The following CREBBP variants were observed in gnomAD, a reference collection of about 807,000 sequenced individuals.
CREBBP encodes CREB-binding protein.
In CREBBP, 19 loss-of-function variants were observed where a neutral mutation model predicts 265.0. The observed-to-expected ratio is 0.07, with a 90% confidence interval of 0.05 to 0.11. CREBBP has a LOEUF of 0.11. CREBBP is among the 10% of genes least tolerant of loss of function. CREBBP has a pLI of 1.00. For missense variants in CREBBP, 2,525 were observed against 3,219.0 expected (o/e 0.78, Z 5.22); for synonymous variants, 1,457 against 1,223.7 (o/e 1.19, Z -3.98).
chr16:3,873,362 G>A (rs546827512), intron 1 of CREBBP, among the ~76,000 whole-genome samples: 1 of 152,296 alleles, frequency 6.6e-6, no homozygotes, highest in East Asian at 1.9e-4. Flanking sequence ...ATAAAAAATG[G>A]AGACAGAGTC....
intron 3 of CREBBP, 32 bp downstream of exon 3, chr16:3,810,571 A>G: frequency 1.2e-6 from 2 of 1,611,194 alleles, no homozygotes; most frequent in Non-Finnish European, 1.7e-6. Flanking sequence ...CCCACCGGAG[A>G]GCCATAACAC....
chr16:3,793,519 C>G lies in CREBBP; in HGVS notation c.1083G>C (p.Leu361=). 1 of 1,614,176 alleles carries G rather than the reference C, an allele frequency of 6.2e-7. No homozygotes were observed. Among genetic ancestry groups the G allele is most frequent in the Non-Finnish European group, 8.5e-7 (1 of 1,180,034 alleles). ...RKLIQQQLVL[L]LHAHKCQRRE... is the part of the protein sequence containing the mutation. ...GTCTCTGACACTTATGAGCATGAAG[C>G]AGTAGAACCAGCTGCTGCTGTATCA... is the stretch of plus-strand genomic sequence containing the variant. The change falls in exon 4 of 31, where the codon CTG becomes CTC. Residue 361 remains leucine, a synonymous_variant. Coordinates refer to ENST00000262367, the MANE Select transcript of CREBBP (RefSeq NM_004380.3).
intron 18 of CREBBP, 63 bp from the exon 19 acceptor site, chr16:3,757,439 T>TTCTA: frequency 7.5e-7 from 1 of 1,327,186 alleles, no homozygotes; most frequent in Non-Finnish European, 1.1e-6. Flanking sequence ...TCTTATAATG[T>TTCTA]TCTAGTCTAC....
intron 21 of CREBBP, among the ~76,000 whole-genome samples, chr16:3,747,932 AC>A (rs1288499494): frequency 6.6e-6 from 1 of 152,178 alleles, no homozygotes; most frequent in South Asian, 2.1e-4. Context: ...TACTAAAAAT[AC>A]AAAAAAATTA....
intron 4 of CREBBP, 41 bp downstream of exon 4, chr16:3,793,345 T>C: frequency 6.2e-7 from 1 of 1,613,094 alleles, no homozygotes; most frequent in South Asian, 1.1e-5. Context: ...GGCAAATTCT[T>C]CCTGACCTCT....
chr16:3,733,731 T>TCCCGGGTTCAA (rs2051978547), intron 28 of CREBBP, among the ~76,000 whole-genome samples: 1 of 152,158 alleles, frequency 6.6e-6, no homozygotes, highest in African/African-American at 2.4e-5. Context: ...AATCTGTGCC[T>TCCCGGGTTCAA]CCCGGGTTCA....
At chr16:3,810,475 T>C (rs1596984325) in intron 3 of CREBBP, 128 bp downstream of exon 3, 1 of 1,075,390 alleles carries the variant, frequency 9.3e-7, no homozygotes. Flanking sequence ...TCATGAGAAA[T>C]CTGGGTTCTC....
rs566080309 is a variant in CREBBP, at chr16:3,866,106, A to G, written c.85+13726T>C. 3.9e-5 allele frequency among the ~76,000 whole-genome samples: 6 copies of G among 152,368 alleles called. No individual in the cohort carries two copies. In the South Asian group the frequency reaches 1.2e-3, roughly 32 times the overall value. ...AATGGGTTCACTATTAGTTCAAAAT[A>G]TATTTAGTGTACAAATAAGCTTAAA... On this transcript the variant is annotated intron_variant, in intron 1 of 30. Transcript: ENST00000262367.
chr16:3,754,628 A>G (rs1303604563), intron 19 of CREBBP, among the ~76,000 whole-genome samples: 2 of 152,234 alleles, frequency 1.3e-5, no homozygotes, highest in East Asian at 1.9e-4. Flanking sequence ...GTACCATATC[A>G]GTACATATCA....
intron 11 of CREBBP, among the ~76,000 whole-genome samples, chr16:3,777,060 A>G (rs1407017192): frequency 7.3e-6 from 1 of 136,140 alleles, no homozygotes; most frequent in East Asian, 2.3e-4. Flanking sequence ...TAAAAAGCTA[A>G]GGCCGGGTGC....
intron 1 of CREBBP, among the ~76,000 whole-genome samples, chr16:3,871,683 T>C (rs1344963816): frequency 1.3e-5 from 2 of 152,198 alleles, no homozygotes; most frequent in African/African-American, 2.4e-5. Context: ...CATGTTTAGG[T>C]GGTGCAGTTT....
At chr16:3,780,411 C>T (rs1392651212) in intron 8 of CREBBP, among the ~76,000 whole-genome samples, 4 of 152,170 alleles carry the variant, frequency 2.6e-5, no homozygotes, top group African/African-American at 9.7e-5. Flanking sequence ...TAACCCCAGC[C>T]CCCTCACGCA....
chr16:3,838,957 C>T (rs771632912), intron 2 of CREBBP, among the ~76,000 whole-genome samples: 2 of 152,180 alleles, frequency 1.3e-5, no homozygotes, highest in African/African-American at 2.4e-5. Context: ...CACAGCACCT[C>T]GCTAGTTCAC....
chr16:3,771,802 C>G (rs2053015593), intron 13 of CREBBP, among the ~76,000 whole-genome samples: 1 of 131,936 alleles, frequency 7.6e-6, no homozygotes, highest in Non-Finnish European at 1.6e-5. Context: ...CAATTTAAAA[C>G]TTTTTTTTTT....
rs1378683142 is a variant in CREBBP, at chr16:3,810,451, A to G, written c.975+152T>C. ...GCTCATCACAGAAAATGTTAAACTC[A>G]TTTAGAGAGCTACTCATGAGAAATC... On this transcript the variant is annotated intron_variant, in intron 3 of 30. Coordinates refer to ENST00000262367, the MANE Select transcript of CREBBP (RefSeq NM_004380.3). 23 of 869,128 alleles carry G rather than the reference A, an allele frequency of 2.6e-5. No individual in the cohort carries two copies. The South Asian group carries it at 2.8e-4, about 11-fold the overall frequency. The allele number at this position is 869,128 out of a possible 1,614,324, so 53.8% of individuals were successfully genotyped here. A position where few individuals can be genotyped will look rare whatever the true frequency, so the allele number is the denominator to read the frequency against.
intron 1 of CREBBP, among the ~76,000 whole-genome samples, chr16:3,862,360 G>A (rs2055094295): frequency 6.6e-6 from 1 of 152,060 alleles, no homozygotes. Context: ...GAGCCCCAGG[G>A]TAGGTACAAG....
At chr16:3,771,456 A>G (rs898807344) in intron 13 of CREBBP, among the ~76,000 whole-genome samples, 12 of 152,184 alleles carry the variant, frequency 7.9e-5, no homozygotes, top group African/African-American at 2.9e-4. Context: ...GGCACTCCTC[A>G]ATAACGGTAA....
chr16:3,760,217 G>A (rs1221649234), intron 16 of CREBBP, among the ~76,000 whole-genome samples: 2 of 151,618 alleles, frequency 1.3e-5, no homozygotes, highest in East Asian at 3.9e-4. Flanking sequence ...TCAGCCTCAG[G>A]AGTAACTGGG....
In CREBBP at chr16:3,879,523, A is replaced by G. The variant is rs186271735; in HGVS notation, c.85+309T>C. Among the ~76,000 whole-genome samples the G allele has an allele frequency of 6.0e-4, 91 of 152,270 alleles. 2 individuals carry two copies. The highest frequency in any genetic ancestry group is 1.9e-3 in the African/African-American group (78 of 41,564). Reference sequence around the variant, plus strand: ...ACACGGCCGCGGATGGATGCGTAGGACATTACCAAACAAACCCACACGCTG... The same window carrying G: ...ACACGGCCGCGGATGGATGCGTAGGGCATTACCAAACAAACCCACACGCTG... On this transcript the variant is annotated intron_variant, in intron 1 of 30. Coordinates refer to ENST00000262367, the MANE Select transcript of CREBBP (RefSeq NM_004380.3).
Sources: gnomAD v4.1 joint callset for allele counts (sites outside exome capture counted in the v4.1 genomes callset) on GRCh38, gnomAD v4.1.1 for gene constraint, MANE v1.5 for transcripts, NCBI Gene and HGNC (gene_info 2026-07-23, HGNC 2026-07-21) for gene names.